ECPAS: variants seen among roughly 807,000 people sequenced by gnomAD.
ECPAS encodes Ecm29 proteasome adaptor and scaffold, also known as proteasome adapter and scaffold protein ECM29.
Under a neutral mutation model 255.1 loss-of-function variants are expected in ECPAS, and 70 were observed. The observed-to-expected ratio is 0.27, with a 90% confidence interval of 0.23 to 0.33. The LOEUF is 0.33. Among genes scored for constraint, ECPAS ranks in the 10% least tolerant of loss-of-function variants. The pLI, the probability that ECPAS is intolerant of heterozygous loss-of-function variation, is 1.00. For missense variants in ECPAS, 1,817 were observed against 2,206.4 expected, an observed-to-expected ratio of 0.82 and a Z score of 3.54; for synonymous variants, 784 against 775.0, an observed-to-expected ratio of 1.01 and a Z score of -0.19.
intron 1 of ECPAS, among the ~76,000 whole-genome samples, chr9:111,480,257 C>CT (rs967657968): frequency 1.0e-4 from 12 of 120,286 alleles, no homozygotes; most frequent in East Asian, 7.4e-4. Flanking sequence ...TAATTCTCTC[C>CT]TTTTTTTTTA....
chr9:111,462,945 TTGGTCAGGC>T (rs937324645), intron 2 of ECPAS, among the ~76,000 whole-genome samples: 2 of 152,124 alleles, frequency 1.3e-5, no homozygotes, highest in African/African-American at 4.8e-5. Flanking sequence ...TTTCGCCATG[TTGGTCAGGC>T]TGGTCTCAAA....
intron 7 of ECPAS, among the ~76,000 whole-genome samples, chr9:111,435,159 A>T (rs1297478790): frequency 6.6e-6 from 1 of 152,068 alleles, no homozygotes; most frequent in African/African-American, 2.4e-5. Flanking sequence ...TCAGCCTCCC[A>T]AAGGGCTGGG....
intron 34 of ECPAS, 22 bp downstream of exon 34, chr9:111,384,500 C>T: frequency 1.2e-6 from 2 of 1,609,300 alleles, no homozygotes; most frequent in Non-Finnish European, 1.7e-6. Flanking sequence ...ACTCCATTCC[C>T]AATGTAAGAC....
intron 48 of ECPAS, 81 bp downstream of exon 48, chr9:111,366,158 A>G (rs1187092265): frequency 5.4e-6 from 5 of 924,026 alleles, no homozygotes; most frequent in Non-Finnish European, 8.5e-6. Context: ...AGTTCCTAAG[A>G]CAAAGTAGGA....
At chr9:111,410,292 T>G in intron 22 of ECPAS, 79 bp from the exon 23 acceptor site, 1 of 1,237,072 alleles carries the variant, frequency 8.1e-7, no homozygotes, top group Non-Finnish European at 1.1e-6. Flanking sequence ...GTACTCAAGG[T>G]TTTTTTTAAG....
chr9:111,374,427 T>G (rs539941927), intron 38 of ECPAS, among the ~76,000 whole-genome samples: 62 of 152,306 alleles, frequency 4.1e-4, no homozygotes, highest in African/African-American at 1.3e-3. Flanking sequence ...AATCAGATGT[T>G]CCTTGATGGA....
At chr9:111,444,347 A>C (rs1564549920) in intron 4 of ECPAS, 31 bp downstream of exon 4, 1 of 1,473,334 alleles carries the variant, frequency 6.8e-7, no homozygotes, top group East Asian at 2.3e-5. Context: ...AATTTGCTGT[A>C]AGTCAGAAAA....
chr9:111,424,428 C>G (rs760154215), intron 12 of ECPAS, among the ~76,000 whole-genome samples: 16 of 152,202 alleles, frequency 1.1e-4, no homozygotes, highest in South Asian at 2.1e-4. Context: ...GATGTAAGAT[C>G]TTGATCTCAC....
chr9:111,474,901 C>A (rs553311304), intron 1 of ECPAS, among the ~76,000 whole-genome samples: 142 of 152,302 alleles, frequency 9.3e-4, no homozygotes, highest in African/African-American at 3.3e-3. Context: ...AAGTCTCAAA[C>A]CACACAGCTG....
chr9:111,468,211 G>A (rs531442007), intron 2 of ECPAS, among the ~76,000 whole-genome samples: 4 of 152,048 alleles, frequency 2.6e-5, no homozygotes, highest in East Asian at 1.9e-4. Context: ...CCCTCCAAGC[G>A]CACACTGGAA....
At chr9:111,473,633 C>T (rs563070619) in intron 1 of ECPAS, among the ~76,000 whole-genome samples, 2 of 152,304 alleles carry the variant, frequency 1.3e-5, no homozygotes, top group South Asian at 2.1e-4. Context: ...CCCACACACC[C>T]GCAATCCATG....
intron 6 of ECPAS, among the ~76,000 whole-genome samples, chr9:111,439,523 C>A (rs2418164): frequency 8.5e-5 from 13 of 152,048 alleles, no homozygotes; most frequent in South Asian, 4.1e-4. Flanking sequence ...TTCGGCCCCC[C>A]CTTCCCAAAG....
At chr9:111,394,134 G>C in intron 26 of ECPAS, 26 bp downstream of exon 26, 1 of 1,576,168 alleles carries the variant, frequency 6.3e-7, no homozygotes, top group Non-Finnish European at 8.6e-7. Context: ...TTTCCAACAG[G>C]GCTGACCACA....
chr9:111,413,812 G>T (rs942454313), intron 20 of ECPAS, 83 bp downstream of exon 20: 1 of 811,752 alleles, frequency 1.2e-6, no homozygotes, highest in Non-Finnish European at 1.9e-6. Flanking sequence ...AGGTCATAGG[G>T]ATCCCGCTGG....
At chr9:111,413,475 T>A (rs1263249798) in intron 20 of ECPAS, among the ~76,000 whole-genome samples, 2 of 152,284 alleles carry the variant, frequency 1.3e-5, no homozygotes, top group East Asian at 3.9e-4. Context: ...AAGTAAACTC[T>A]AGAAAGCATG....
chr9:111,379,692 G>C lies in ECPAS; in HGVS notation c.3804-962C>G, dbSNP rs151007134. Among the ~76,000 whole-genome samples, 505 of 152,268 alleles carry C rather than the reference G, an allele frequency of 3.3e-3. 5 individuals are homozygous for C. The highest frequency in any genetic ancestry group is 0.012 in the African/African-American group (486 of 41,540). On this transcript the variant is annotated intron_variant, in intron 35 of 49. Transcript: ENST00000684092. The stretch of plus-strand genomic sequence containing the variant: ...GTCAATCCTCTCCAACCCTGTTGTT[G>C]CTTTATCAACTAAGTTTATGAAATA...
chr9:111,447,206 C>G (rs2098254349), intron 3 of ECPAS, among the ~76,000 whole-genome samples: 1 of 151,912 alleles, frequency 6.6e-6, no homozygotes, highest in African/African-American at 2.4e-5. Context: ...CCAACTGCAG[C>G]CTCGAACTCC....
At chr9:111,457,194 C>T (rs887368704) in intron 2 of ECPAS, among the ~76,000 whole-genome samples, 2 of 152,062 alleles carry the variant, frequency 1.3e-5, no homozygotes, top group African/African-American at 4.8e-5. Flanking sequence ...AAAAAGCAGA[C>T]TGTACAGGGT....
intron 16 of ECPAS, among the ~76,000 whole-genome samples, chr9:111,419,370 G>C (rs1454436738): frequency 4.6e-5 from 7 of 152,142 alleles, no homozygotes; most frequent in African/African-American, 1.7e-4. Context: ...ATGCTGCATG[G>C]ATTTTAAGAT....
Sources: gnomAD v4.1 joint callset for allele counts (sites outside exome capture counted in the v4.1 genomes callset) on GRCh38, gnomAD v4.1.1 for gene constraint, MANE v1.5 for transcripts, NCBI Gene and HGNC (gene_info 2026-07-23, HGNC 2026-07-21) for gene names.